MCF2: variants seen among roughly 807,000 people sequenced by gnomAD.
The protein encoded by MCF2 is proto-oncogene DBL.
MCF2 carries 44 observed loss-of-function variants against 82.5 expected under a neutral mutation model. The ratio of observed to expected loss-of-function variants is 0.53; its 90% CI spans 0.42 to 0.69. The LOEUF (loss-of-function observed/expected upper bound fraction) is 0.69. Ranked by LOEUF, MCF2 falls within the 30% of genes least tolerant of loss-of-function variation. MCF2 has a pLI of 0.00. For synonymous variants in MCF2, 217 were observed against 224.9 expected (o/e 0.96, Z 0.32); for missense variants, 623 against 663.1 (o/e 0.94, Z 0.66).
intron 16 of MCF2, among the ~76,000 whole-genome samples, chrX:139,602,143 A>G (rs1309533472): frequency 9.0e-6 from 1 of 111,064 alleles, no homozygotes; most frequent in Non-Finnish European, 1.9e-5. Flanking sequence ...TTCATCTTCC[A>G]TAGTATAAAG....
chrX:139,583,608 A>C (rs1928661436), intron 24 of MCF2, among the ~76,000 whole-genome samples: 1 of 111,169 alleles, frequency 9.0e-6, no homozygotes, highest in Non-Finnish European at 1.9e-5. Flanking sequence ...AGAGGGAGGA[A>C]AGAGGGTTGG....
At chrX:139,672,555 T>C (rs1236464823) in intron 1 of MCF2, among the ~76,000 whole-genome samples, 1 of 112,448 alleles carries the variant, frequency 8.9e-6, no homozygotes, top group Non-Finnish European at 1.9e-5. Context: ...AGGCCTTTTC[T>C]GCATCTATTG....
chrX:139,632,427 C>A, exon 2 of MCF2: 1 of 1,202,364 alleles, frequency 8.3e-7, no homozygotes. Flanking sequence ...AAAACCAAAA[C>A]CAAGTGCAAG....
intron 12 of MCF2, chrX:139,607,083 A>G (rs1931084922): frequency 9.0e-6 from 1 of 111,307 alleles, no homozygotes; most frequent in African/African-American, 3.3e-5. Flanking sequence ...GTAATTTTTG[A>G]TGTACCACTC....
chrX:139,687,063 T>TACAC (rs140403182), intron 1 of MCF2, among the ~76,000 whole-genome samples: 361 of 105,657 alleles, frequency 3.4e-3, no homozygotes, highest in Non-Finnish European at 5.1e-3. Flanking sequence ...CACACACACA[T>TACAC]ACACACACAC....
chrX:139,619,816 T>A, intron 6 of MCF2, 110 bp from the exon 10 acceptor site: 1 of 549,318 alleles, frequency 1.8e-6, no homozygotes, highest in Non-Finnish European at 2.7e-6. Context: ...AAATTACACA[T>A]ATAAAAAATT....
intron 1 of MCF2, among the ~76,000 whole-genome samples, chrX:139,659,750 A>G (rs1813683333): frequency 8.9e-6 from 1 of 112,205 alleles, no homozygotes; most frequent in South Asian, 3.7e-4. Flanking sequence ...ACAGAGCACA[A>G]ACAAATAAAA....
chrX:139,666,129 AT>A (rs1934512998), intron 1 of MCF2, among the ~76,000 whole-genome samples: 1 of 108,258 alleles, frequency 9.2e-6, no homozygotes, highest in South Asian at 4.0e-4. Context: ...TCTTTAAGTT[AT>A]TTAAAAATAT....
At chrX:139,706,136 C>T (rs1030075957) in intron 1 of MCF2, among the ~76,000 whole-genome samples, 6 of 112,383 alleles carry the variant, frequency 5.3e-5, no homozygotes, top group South Asian at 7.4e-4. Flanking sequence ...TAAATTAGTC[C>T]AGCCGCTGTG....
intron 1 of MCF2, among the ~76,000 whole-genome samples, chrX:139,637,293 A>G (rs1317716826): frequency 1.8e-5 from 2 of 111,344 alleles, no homozygotes; most frequent in Non-Finnish European, 3.8e-5. Flanking sequence ...AATTCATCTG[A>G]TTTGTCAGTT....
chrX:139,688,371 A>G (rs1935179595), intron 1 of MCF2, among the ~76,000 whole-genome samples: 2 of 112,014 alleles, frequency 1.8e-5, no homozygotes, highest in Admixed American at 1.9e-4. Context: ...TTAAGGGGAA[A>G]AAGTCAGGCA....
intron 1 of MCF2, among the ~76,000 whole-genome samples, chrX:139,671,956 T>A (rs1934711327): frequency 8.9e-6 from 1 of 111,953 alleles, no homozygotes; most frequent in Non-Finnish European, 1.9e-5. Flanking sequence ...GCTTGGAATG[T>A]TCTTCCATTT....
intron 1 of MCF2, among the ~76,000 whole-genome samples, chrX:139,676,156 G>A (rs972889679): frequency 2.7e-5 from 3 of 112,636 alleles, no homozygotes; most frequent in African/African-American, 9.7e-5. Context: ...CTCCTGGTGC[G>A]CCATTTGCTA....
chrX:139,686,612 A>G (rs769096047), intron 1 of MCF2, among the ~76,000 whole-genome samples: 9 of 111,339 alleles, frequency 8.1e-5, no homozygotes, highest in Non-Finnish European at 1.5e-4. Context: ...AGGCATCTCC[A>G]TCTCCACTGA....
chrX:139,586,404 G>C, exon 23 of MCF2: 1 of 1,208,336 alleles, frequency 8.3e-7, no homozygotes. Flanking sequence ...CTGAACTGAC[G>C]CAATTGCCTC....
chrX:139,594,519 C>A lies in MCF2; in HGVS notation c.2277+2030G>T, dbSNP rs1929856597. 2.7e-5 allele frequency among the ~76,000 whole-genome samples: 3 copies of A among 110,241 alleles called. No individual in the cohort carries two copies. In the South Asian group the frequency reaches 1.2e-3, roughly 43 times the overall value. On this transcript the variant is annotated intron_variant, in intron 19 of 24. Transcript: ENST00000370576. ...AAATGGTGCTGGGAAAACTGGCTAGCCATATGTAGAAAGCTGAAACTGGAT... is the reference window on the plus strand; with the variant it reads ...AAATGGTGCTGGGAAAACTGGCTAGACATATGTAGAAAGCTGAAACTGGAT...
intron 1 of MCF2, among the ~76,000 whole-genome samples, chrX:139,667,349 C>A (rs891375898): frequency 2.0e-4 from 22 of 110,647 alleles, no homozygotes; most frequent in African/African-American, 7.2e-4. Flanking sequence ...TTCAAGTGAT[C>A]CTCCTGCCTT....
intron 1 of MCF2, among the ~76,000 whole-genome samples, chrX:139,675,035 C>T (rs185550156): frequency 5.4e-5 from 6 of 112,043 alleles, no homozygotes; most frequent in African/African-American, 1.9e-4. Flanking sequence ...TCTTTTTTCT[C>T]TAAACTTCTC....
intron 1 of MCF2, among the ~76,000 whole-genome samples, chrX:139,682,131 A>C (rs1199217985): frequency 9.0e-6 from 1 of 111,349 alleles, no homozygotes; most frequent in Non-Finnish European, 1.9e-5. Context: ...GATGAAAGAG[A>C]GAGGGCAGGA....
Sources: gnomAD v4.1 joint callset for allele counts (sites outside exome capture counted in the v4.1 genomes callset) on GRCh38, gnomAD v4.1.1 for gene constraint, MANE v1.5 for transcripts, NCBI Gene and HGNC (gene_info 2026-07-23, HGNC 2026-07-21) for gene names.